The following SNRPN variants were observed in gnomAD, a reference collection of about 807,000 sequenced individuals.
SNRPN encodes the protein small nuclear ribonucleoprotein-associated protein N.
SNRPN carries 7 observed loss-of-function variants against 25.2 expected under a neutral mutation model. The ratio of observed to expected loss-of-function variants is 0.28; its 90% CI spans 0.16 to 0.52. The LOEUF is 0.52. Among genes scored for constraint, SNRPN ranks in the 20% least tolerant of loss-of-function variants. The pLI is 0.96. For synonymous variants in SNRPN, 124 were observed against 110.6 expected (o/e 1.12, Z -0.76); for missense variants, 196 against 322.5 (o/e 0.61, Z 3.00).
chr15:24,929,459 C>T lies in SNRPN; in HGVS notation c.-391+9335C>T, dbSNP rs2060650736. Reference sequence around the variant, plus strand: ...TTTAAAATTTTCAGATAAATGTAAGCAGGCTTCTGCAGTGAAAGGGGCCAG... The same window carrying T: ...TTTAAAATTTTCAGATAAATGTAAGTAGGCTTCTGCAGTGAAAGGGGCCAG... On this transcript the variant is annotated intron_variant, in intron 3 of 11. Coordinates refer to the SNRPN transcript ENST00000400097. The surrounding 1 kb of genome is among the most constrained non-coding windows in gnomAD (Gnocchi z 5.3). Among the ~76,000 whole-genome samples the T allele has an allele frequency of 1.3e-5, 2 of 152,234 alleles. No homozygotes were observed. The highest frequency in any genetic ancestry group is 4.1e-4 in the South Asian group (2 of 4,824).
At chr15:24,853,835 G>C (rs1486703639), upstream of SNRPN, among the ~76,000 whole-genome samples, 2 of 152,108 alleles carry the variant, frequency 1.3e-5, no homozygotes, top group Non-Finnish European at 2.9e-5. Context: ...TTCTTCCACT[G>C]TTAAATTGCT....
upstream of SNRPN, among the ~76,000 whole-genome samples, chr15:24,855,635 C>CA (rs1370648934): frequency 2.0e-5 from 3 of 151,470 alleles, no homozygotes; most frequent in Non-Finnish European, 4.4e-5. Flanking sequence ...ACTAAAAATA[C>CA]AAAAAAATTA....
intron 2 of SNRPN, chr15:24,966,905 A>T (rs2075721065): frequency 6.6e-6 from 1 of 152,126 alleles, no homozygotes; most frequent in South Asian, 2.1e-4. Flanking sequence ...CAGATTTCAC[A>T]GCCAGGTTAC....
intron 3 of SNRPN, among the ~76,000 whole-genome samples, chr15:24,970,399 C>T (rs556000804): frequency 3.6e-4 from 55 of 152,060 alleles, no homozygotes; most frequent in Admixed American, 1.3e-3. Flanking sequence ...GGCCACATGG[C>T]GAAACCCCAT....
intron 1 of SNRPN, among the ~76,000 whole-genome samples, chr15:24,878,315 G>A (rs17784262): frequency 0.091 from 13,797 of 152,202 alleles, 686 homozygotes; most frequent in African/African-American, 0.11. Flanking sequence ...CACGCAGCCC[G>A]CAAGAAATGT....
At chr15:24,946,155 T>G (rs1013036047) in intron 3 of SNRPN, among the ~76,000 whole-genome samples, 1 of 152,228 alleles carries the variant, frequency 6.6e-6, no homozygotes, top group Non-Finnish European at 1.5e-5. Flanking sequence ...ATCAGAATGC[T>G]TGGCTTGAAT....
intron 1 of SNRPN, among the ~76,000 whole-genome samples, chr15:24,829,348 T>C (rs1016559096): frequency 8.6e-5 from 13 of 151,500 alleles, no homozygotes; most frequent in African/African-American, 2.9e-4. Context: ...TTGGAGGAGA[T>C]TGTGGAGAGT....
At chr15:24,849,488 C>T (rs2145423353) in intron 2 of SNRPN, 1 of 152,410 alleles carries the variant, frequency 6.6e-6, no homozygotes, top group South Asian at 2.1e-4. Context: ...GGACACAGGT[C>T]AGACAACAGC....
At chr15:24,863,809 G>A (rs556256826) in intron 1 of SNRPN, among the ~76,000 whole-genome samples, 12 of 150,358 alleles carry the variant, frequency 8.0e-5, no homozygotes, top group South Asian at 2.1e-4. Context: ...ACACATCTGC[G>A]TTCTGGAAAC....
At chr15:24,895,157 A>G (rs1472587014) in intron 2 of SNRPN, among the ~76,000 whole-genome samples, 1 of 152,102 alleles carries the variant, frequency 6.6e-6, no homozygotes, top group Non-Finnish European at 1.5e-5. Flanking sequence ...AGAGATAAAG[A>G]TCTTTTCCTC....
In SNRPN at chr15:24,863,195, G is replaced by C. The variant is rs146292393; in HGVS notation, c.-579+6479G>C. Reference sequence around the variant, plus strand: ...GGCAAGGGTGGGGAAGGGCAGAGAAGTTTCTGTCCCCTCAGCCATTTTGCA... The same window carrying C: ...GGCAAGGGTGGGGAAGGGCAGAGAACTTTCTGTCCCCTCAGCCATTTTGCA... On this transcript the variant is annotated intron_variant, in intron 1 of 11. Coordinates refer to the SNRPN transcript ENST00000400097. Among the ~76,000 whole-genome samples, 629 of 150,950 alleles carry C rather than the reference G, an allele frequency of 4.2e-3. 6 individuals carry two copies. Among genetic ancestry groups the C allele is most frequent in the Non-Finnish European group, 6.9e-3 (470 of 68,024 alleles).
At chr15:24,937,955 T>G (rs2152988712) in intron 3 of SNRPN, among the ~76,000 whole-genome samples, 1 of 152,336 alleles carries the variant, frequency 6.6e-6, no homozygotes. Context: ...ATGTACTTCC[T>G]TTTTGAGGTT....
In SNRPN at chr15:24,832,420, G is replaced by T. The variant is rs150862784; in HGVS notation, c.-579+2515G>T. The stretch of plus-strand genomic sequence containing the variant: ...TTCCTGGGTCGAGTGGGGACTTGGG[G>T]AAATCTCCTGTCTTACAGAGGATTT... On this transcript the variant is annotated intron_variant, in intron 2 of 12. Coordinates refer to the SNRPN transcript ENST00000400100. Among the ~76,000 whole-genome samples, 283 of 152,182 alleles carry T rather than the reference G, an allele frequency of 1.9e-3. 2 individuals carry two copies. The highest frequency in any genetic ancestry group is 6.6e-3 in the African/African-American group (275 of 41,464).
intron 4 of SNRPN, chr15:24,974,837 G>T: frequency 1.5e-6 from 1 of 687,038 alleles, no homozygotes; most frequent in East Asian, 2.7e-5. Flanking sequence ...GGGATTACAG[G>T]CATGAGATGA....
chr15:24,940,970 T>C (rs889750376), intron 3 of SNRPN, among the ~76,000 whole-genome samples: 4 of 152,106 alleles, frequency 2.6e-5, no homozygotes, highest in Admixed American at 2.6e-4. Context: ...GAGATCTTAA[T>C]CTGTTTTCTT....
intron 3 of SNRPN, among the ~76,000 whole-genome samples, chr15:24,932,811 A>G (rs1014464374): frequency 1.3e-5 from 2 of 151,668 alleles, no homozygotes; most frequent in African/African-American, 4.8e-5. Context: ...CGCCACACCC[A>G]GCTAATTTTG....
At chr15:24,943,245 C>G (rs2061669238) in intron 3 of SNRPN, among the ~76,000 whole-genome samples, 1 of 152,142 alleles carries the variant, frequency 6.6e-6, no homozygotes, top group Admixed American at 6.5e-5. Context: ...CCAAGCTTTA[C>G]CCACTGGGAG....
At chr15:24,864,040 T>C (rs1347403866) in intron 1 of SNRPN, among the ~76,000 whole-genome samples, 1 of 148,022 alleles carries the variant, frequency 6.8e-6, no homozygotes, top group Non-Finnish European at 1.5e-5. Context: ...TTATTTTTTT[T>C]TTTGGAGAGG....
chr15:24,867,541 A>AT (rs1203950520), intron 1 of SNRPN, among the ~76,000 whole-genome samples: 2 of 151,832 alleles, frequency 1.3e-5, no homozygotes, highest in East Asian at 1.9e-4. Flanking sequence ...CGCTCAGCTA[A>AT]TTTTTTGTAT....
Sources: allele counts gnomAD v4.1 joint callset (sites outside exome capture counted in the v4.1 genomes callset), GRCh38; gene constraint gnomAD v4.1.1; non-coding constraint Gnocchi (gnomAD v3.1); transcripts MANE v1.5; gene names NCBI Gene and HGNC (gene_info 2026-07-23, HGNC 2026-07-21).